KHDRBS2: variants seen among roughly 807,000 people sequenced by gnomAD.
KHDRBS2 encodes the protein KH RNA binding domain containing, signal transduction associated 2, also known as KH domain-containing, RNA-binding, signal transduction-associated protein 2.
In KHDRBS2, 26 loss-of-function variants were observed where a neutral mutation model predicts 44.3. The observed-to-expected ratio is 0.59, with a 90% CI of 0.43 to 0.81. The LOEUF (loss-of-function observed/expected upper bound fraction) is 0.81. Among genes scored for constraint, KHDRBS2 ranks in the 40% least tolerant of loss-of-function variants. The pLI, the probability that KHDRBS2 is intolerant of heterozygous loss-of-function variation, is 0.00. For missense variants in KHDRBS2, 476 were observed against 433.1 expected (o/e 1.10, Z -0.88); for synonymous variants, 194 against 151.1 (o/e 1.28, Z -2.08).
intron 1 of KHDRBS2, among the ~76,000 whole-genome samples, chr6:62,277,596 C>T (rs1355535881): frequency 6.6e-6 from 1 of 152,146 alleles, no homozygotes; most frequent in East Asian, 1.9e-4. Flanking sequence ...CCTGCCTCGG[C>T]CTCCCAAAGT....
chr6:61,757,840 A>C (rs549654557), intron 6 of KHDRBS2, among the ~76,000 whole-genome samples: 25 of 152,118 alleles, frequency 1.6e-4, no homozygotes, highest in Non-Finnish European at 3.5e-4. Context: ...ACTCTACACA[A>C]TGTCCCATTA....
intron 6 of KHDRBS2, among the ~76,000 whole-genome samples, chr6:61,740,841 G>C (rs988501704): frequency 6.6e-6 from 1 of 151,882 alleles, no homozygotes; most frequent in Non-Finnish European, 1.5e-5. Flanking sequence ...CAGGCACCTG[G>C]ATATATGAGT....
intron 6 of KHDRBS2, among the ~76,000 whole-genome samples, chr6:61,818,718 G>T (rs1053159304): frequency 6.6e-6 from 1 of 151,902 alleles, no homozygotes; most frequent in Non-Finnish European, 1.5e-5. Context: ...TGTAGGTTTG[G>T]TTACTGTAAG....
intron 6 of KHDRBS2, among the ~76,000 whole-genome samples, chr6:61,875,676 T>C (rs949455388): frequency 3.3e-5 from 5 of 152,118 alleles, no homozygotes; most frequent in Non-Finnish European, 5.9e-5. Flanking sequence ...ACAACACATG[T>C]CATTAAAATC....
intron 6 of KHDRBS2, among the ~76,000 whole-genome samples, chr6:61,734,161 T>C (rs992749011): frequency 6.6e-6 from 1 of 152,178 alleles, no homozygotes; most frequent in African/African-American, 2.4e-5. Context: ...AATGCTATTA[T>C]TTACATACGA....
chr6:61,577,685 T>C, the KHDRBS2 span, among the ~76,000 whole-genome samples: 122,820 of 152,046 alleles, frequency 0.81, 50,108 homozygotes, highest in African/African-American at 0.91. Context: ...AACTGAAATG[T>C]TCTTTATACA....
At chr6:62,183,431 A>G (rs1822763652) in intron 1 of KHDRBS2, among the ~76,000 whole-genome samples, 1 of 151,712 alleles carries the variant, frequency 6.6e-6, no homozygotes, top group Non-Finnish European at 1.5e-5. Flanking sequence ...CTAAATATGT[A>G]CATCAAGTAC....
intron 5 of KHDRBS2, among the ~76,000 whole-genome samples, chr6:61,898,143 G>T (rs1477185344): frequency 6.6e-6 from 1 of 151,836 alleles, no homozygotes; most frequent in African/African-American, 2.4e-5. Flanking sequence ...TCATCTTTTT[G>T]AATATAAGTG....
chr6:61,988,516 G>T lies in KHDRBS2; in HGVS notation c.337-10304C>A, dbSNP rs574480502. 5.6e-4 allele frequency among the ~76,000 whole-genome samples: 85 copies of T among 152,202 alleles called. 1 individual carries two copies. The highest frequency in any genetic ancestry group is 1.1e-3 in the Non-Finnish European group (77 of 68,014). On this transcript the variant is annotated intron_variant, in intron 3 of 8. Coordinates refer to ENST00000281156, the MANE Select transcript of KHDRBS2 (RefSeq NM_152688.4). ...GAAGAAACTGGTCTAGGACTACAGAGGTGCTTGGAAAACAGTGTTGGAATC... is the reference window on the plus strand; with the variant it reads ...GAAGAAACTGGTCTAGGACTACAGATGTGCTTGGAAAACAGTGTTGGAATC...
In KHDRBS2 at chr6:62,207,914, A is replaced by G. The variant is rs115953950; in HGVS notation, c.92-30602T>C. On this transcript the variant is annotated intron_variant, in intron 1 of 8. Coordinates refer to ENST00000281156, the MANE Select transcript of KHDRBS2 (RefSeq NM_152688.4). The stretch of plus-strand genomic sequence containing the variant: ...AGTTACTTATTTTTTTGACAAGAGC[A>G]ACTAAAATCTTATTTGACAAAAATC... 7.9e-3 allele frequency among the ~76,000 whole-genome samples: 1,198 copies of G among 152,270 alleles called. 16 individuals carry two copies. Among genetic ancestry groups the G allele is most frequent in the African/African-American group, 0.027 (1,134 of 41,566 alleles).
intron 6 of KHDRBS2, among the ~76,000 whole-genome samples, chr6:61,808,807 AC>A (rs1180968352): frequency 2.0e-5 from 3 of 152,054 alleles, no homozygotes; most frequent in Non-Finnish European, 4.4e-5. Context: ...ATGTATCTTT[AC>A]TTTTTTTTAA....
intron 2 of KHDRBS2, among the ~76,000 whole-genome samples, chr6:62,052,747 G>A (rs1789365392): frequency 6.6e-6 from 1 of 151,962 alleles, no homozygotes; most frequent in Non-Finnish European, 1.5e-5. Flanking sequence ...TTCACAATAG[G>A]GTTCCACTCC....
intron 1 of KHDRBS2, among the ~76,000 whole-genome samples, chr6:62,270,932 C>T (rs900906208): frequency 5.9e-5 from 9 of 152,216 alleles, no homozygotes; most frequent in African/African-American, 2.2e-4. Context: ...GGCACTCAAA[C>T]AGTAATATTT....
the KHDRBS2 span, among the ~76,000 whole-genome samples, chr6:61,597,900 G>C: frequency 1.5e-5 from 2 of 136,204 alleles, no homozygotes; most frequent in Non-Finnish European, 3.2e-5. Flanking sequence ...GGAAAACATA[G>C]AGGTTTTTTT....
chr6:62,068,339 C>A (rs977492811), intron 2 of KHDRBS2, among the ~76,000 whole-genome samples: 79 of 151,414 alleles, frequency 5.2e-4, no homozygotes, highest in African/African-American at 1.7e-3. Flanking sequence ...AATGTCTATG[C>A]AGATTATATA....
intron 1 of KHDRBS2, among the ~76,000 whole-genome samples, chr6:62,280,493 A>T (rs1387142630): frequency 6.6e-6 from 1 of 152,200 alleles, no homozygotes; most frequent in Non-Finnish European, 1.5e-5. Context: ...GGTCAGAAAA[A>T]ATTTACTCAA....
chr6:62,150,079 T>G (rs575335570), intron 2 of KHDRBS2, among the ~76,000 whole-genome samples: 82 of 152,308 alleles, frequency 5.4e-4, no homozygotes, highest in African/African-American at 1.7e-3. Flanking sequence ...TCATTTTAAT[T>G]CATGGTAAAA....
chr6:62,132,308 T>G (rs948666138), intron 2 of KHDRBS2, among the ~76,000 whole-genome samples: 1 of 152,176 alleles, frequency 6.6e-6, no homozygotes, highest in Admixed American at 6.5e-5. Flanking sequence ...ACACCACTTG[T>G]TTTTTCATCA....
chr6:61,960,515 T>C (rs1216709251), intron 4 of KHDRBS2, among the ~76,000 whole-genome samples: 2 of 152,044 alleles, frequency 1.3e-5, no homozygotes, highest in African/African-American at 4.8e-5. Context: ...TGAAATAAAG[T>C]GAAATATTTC....
Sources: gnomAD v4.1 joint callset for allele counts (sites outside exome capture counted in the v4.1 genomes callset) on GRCh38, gnomAD v4.1.1 for gene constraint, MANE v1.5 for transcripts, NCBI Gene and HGNC (gene_info 2026-07-23, HGNC 2026-07-21) for gene names.